The following TEX36 variants were observed in gnomAD, a reference collection of about 807,000 sequenced individuals.
The protein encoded by TEX36 is testis-expressed protein 36.
TEX36 carries 12 observed loss-of-function variants against 13.6 expected under a neutral mutation model. The ratio of observed to expected loss-of-function variants is 0.88; its 90% CI spans 0.56 to 1.43. TEX36 has a LOEUF of 1.43. Among genes scored for constraint, TEX36 ranks in the 40% most tolerant of loss-of-function variants. The pLI is 0.00. For missense variants in TEX36, 224 were observed against 228.3 expected (o/e 0.98, Z 0.12); for synonymous variants, 93 against 83.0 (o/e 1.12, Z -0.65).
chr10:125,633,291 G>A (rs1361169946), intron 3 of TEX36, among the ~76,000 whole-genome samples: 13 of 152,132 alleles, frequency 8.5e-5, no homozygotes, highest in East Asian at 1.9e-4. Context: ...TTGGAAATCC[G>A]TAGGGATCAA....
At chr10:125,656,497 A>G (rs145370162) in intron 3 of TEX36, among the ~76,000 whole-genome samples, 5 of 152,100 alleles carry the variant, frequency 3.3e-5, no homozygotes, top group African/African-American at 4.8e-5. Flanking sequence ...AGCTCAGGCA[A>G]TCTGCCCGCC....
chr10:125,673,112 T>C (rs536139727), intron 1 of TEX36, among the ~76,000 whole-genome samples: 1 of 152,344 alleles, frequency 6.6e-6, no homozygotes, highest in East Asian at 1.9e-4. Flanking sequence ...AATTGAGGCA[T>C]TTAGCCCATT....
intron 3 of TEX36, among the ~76,000 whole-genome samples, chr10:125,597,871 A>G (rs191259635): frequency 2.6e-5 from 4 of 152,276 alleles, no homozygotes; most frequent in Admixed American, 2.6e-4. Flanking sequence ...GTTATCTTTT[A>G]GTTTCTATAG....
chr10:125,641,967 C>T (rs1269870024), intron 3 of TEX36, among the ~76,000 whole-genome samples: 2 of 152,136 alleles, frequency 1.3e-5, no homozygotes, highest in African/African-American at 4.8e-5. Flanking sequence ...TTTGCGTTTC[C>T]ATGGGTGGTA....
chr10:125,612,089 C>CTTTT (rs1221864951), intron 3 of TEX36, among the ~76,000 whole-genome samples: 15 of 136,788 alleles, frequency 1.1e-4, no homozygotes, highest in African/African-American at 4.1e-4. Flanking sequence ...TTTTCTTTTT[C>CTTTT]TTTTTTTTTT....
chr10:125,661,596 G>T (rs7074309), intron 2 of TEX36, among the ~76,000 whole-genome samples: 1 of 152,182 alleles, frequency 6.6e-6, no homozygotes, highest in Non-Finnish European at 1.5e-5. Flanking sequence ...GCATGTTAAT[G>T]AGCTGTGGGC....
intron 3 of TEX36, among the ~76,000 whole-genome samples, chr10:125,627,151 TA>T (rs1465870332): frequency 2.6e-5 from 4 of 152,224 alleles, no homozygotes; most frequent in Non-Finnish European, 4.4e-5. Context: ...AAAGATTTTT[TA>T]AATACATGTA....
At chr10:125,657,263 G>T (rs1156264052) in intron 3 of TEX36, among the ~76,000 whole-genome samples, 1 of 152,170 alleles carries the variant, frequency 6.6e-6, no homozygotes. Context: ...TTTGAGGACA[G>T]TCTATAAAGG....
intron 3 of TEX36, among the ~76,000 whole-genome samples, chr10:125,601,147 A>G (rs1303058885): frequency 6.6e-6 from 1 of 152,220 alleles, no homozygotes; most frequent in Non-Finnish European, 1.5e-5. Context: ...CCCACATCCT[A>G]ATATTTTTGG....
intron 3 of TEX36, among the ~76,000 whole-genome samples, chr10:125,581,665 T>G (rs1420802762): frequency 1.3e-5 from 2 of 152,176 alleles, no homozygotes; most frequent in Non-Finnish European, 2.9e-5. Context: ...TTTTCCCCCC[T>G]AAGGTTGAGT....
downstream of TEX36, among the ~76,000 whole-genome samples, chr10:125,651,497 C>G (rs1846858322): frequency 6.6e-6 from 1 of 152,166 alleles, no homozygotes; most frequent in Non-Finnish European, 1.5e-5. Flanking sequence ...GGACGTATCT[C>G]AAAATAATAA....
At chr10:125,637,650 T>A (rs2133572324) in intron 3 of TEX36, among the ~76,000 whole-genome samples, 1 of 152,126 alleles carries the variant, frequency 6.6e-6, no homozygotes, top group East Asian at 1.9e-4. Flanking sequence ...TAGAATCACT[T>A]AGGGAGCTCT....
At chr10:125,593,184 A>G (rs529834337) in intron 3 of TEX36, among the ~76,000 whole-genome samples, 1 of 152,348 alleles carries the variant, frequency 6.6e-6, no homozygotes, top group East Asian at 1.9e-4. Flanking sequence ...GGGCTGCCCA[A>G]GGGCCCCAGC....
In TEX36 at chr10:125,624,829, C is replaced by T. The variant is rs144522209; in HGVS notation, c.265-3184G>A. On this transcript the variant is annotated intron_variant, in intron 3 of 3. Transcript: ENST00000526819. The stretch of plus-strand genomic sequence containing the variant: ...TCCCAGGGAAAGTGACTGTCCTTTC[C>T]GCAAGCAAGCACAGCCACCTAAGAA... 9.4e-3 allele frequency among the ~76,000 whole-genome samples: 1,426 copies of T among 152,030 alleles called. 11 individuals carry two copies. Among genetic ancestry groups the T allele is most frequent in the Middle Eastern group, 0.034 (10 of 294 alleles).
rs7911605 is a variant in TEX36 at position 125,646,230 on chromosome 10, C to T, written c.264+14791G>A. Among the ~76,000 whole-genome samples, 27 of 151,990 alleles carry T rather than the reference C, an allele frequency of 1.8e-4. No homozygotes were observed. In the South Asian group the frequency reaches 2.9e-3, roughly 16 times the overall value. On this transcript the variant is annotated intron_variant, in intron 3 of 3. Coordinates refer to the TEX36 transcript ENST00000526819. ...AGTTCCAGCTACTTGGGAGGCTGAG[C>T]GGGGAGGATCACTTGAACCCCGGAG...
At chr10:125,584,534 T>G (rs1290016075) in intron 3 of TEX36, among the ~76,000 whole-genome samples, 4 of 152,270 alleles carry the variant, frequency 2.6e-5, no homozygotes, top group African/African-American at 9.6e-5. Flanking sequence ...GTTCATCTGT[T>G]GACGCCCTTA....
chr10:125,593,409 T>C (rs73375982), intron 3 of TEX36, among the ~76,000 whole-genome samples: 4,954 of 152,366 alleles, frequency 0.033, 282 homozygotes, highest in African/African-American at 0.11. Flanking sequence ...CTTCTCATCC[T>C]GCTTCTGCCA....
At chr10:125,660,000 T>C (rs746893633) in intron 3 of TEX36, among the ~76,000 whole-genome samples, 11 of 152,208 alleles carry the variant, frequency 7.2e-5, no homozygotes, top group Non-Finnish European at 1.2e-4. Flanking sequence ...AGATGTTACA[T>C]AAGTGTAAAA....
intron 3 of TEX36, among the ~76,000 whole-genome samples, chr10:125,585,958 C>T (rs2133527044): frequency 6.6e-6 from 1 of 152,344 alleles, no homozygotes; most frequent in East Asian, 1.9e-4. Context: ...CAGGAGCTAA[C>T]TGTCCCATAG....
Sources: gnomAD v4.1 joint callset for allele counts (sites outside exome capture counted in the v4.1 genomes callset) on GRCh38, gnomAD v4.1.1 for gene constraint, MANE v1.5 for transcripts, NCBI Gene and HGNC (gene_info 2026-07-23, HGNC 2026-07-21) for gene names.